The following MCUB variants were observed in gnomAD, a reference collection of about 807,000 sequenced individuals.
MCUB encodes mitochondrial calcium uniporter dominant negative subunit beta.
MCUB carries 46 observed loss-of-function variants against 41.4 expected under a neutral mutation model. That is an observed-to-expected ratio of 1.11 (90% confidence interval 0.88 to 1.42). The LOEUF is 1.42. MCUB is among the 40% of genes most tolerant of loss of function. The pLI, the probability that MCUB is intolerant of heterozygous loss-of-function variation, is 0.00. For missense variants in MCUB, 403 were observed against 404.9 expected (o/e 1.00, Z 0.04); for synonymous variants, 148 against 148.2 (o/e 1.00, Z 0.01).
At chr4:109,622,779 CAT>C (rs771022548) in intron 1 of MCUB, among the ~76,000 whole-genome samples, 29 of 152,130 alleles carry the variant, frequency 1.9e-4, no homozygotes, top group Non-Finnish European at 3.7e-4. Flanking sequence ...AAGCAATGTG[CAT>C]TTGGTCGAAA....
chr4:109,604,397 A>T (rs915534177), intron 1 of MCUB, among the ~76,000 whole-genome samples: 16 of 152,322 alleles, frequency 1.1e-4, no homozygotes, highest in African/African-American at 3.4e-4. Context: ...AAAAATTTAA[A>T]AAAAAAAATA....
intron 2 of MCUB, 116 bp downstream of exon 2, chr4:109,659,202 C>G (rs1163802647): frequency 1.0e-5 from 7 of 666,886 alleles, no homozygotes; most frequent in African/African-American, 1.8e-5. Flanking sequence ...CCCATCCCAC[C>G]CCACCCTGAT....
chr4:109,597,329 C>T (rs1405563342), intron 1 of MCUB, among the ~76,000 whole-genome samples: 5 of 150,390 alleles, frequency 3.3e-5, no homozygotes, highest in African/African-American at 9.8e-5. Flanking sequence ...GTGCCCCTCA[C>T]CTCCCAGACG....
chr4:109,680,535 G>GT (rs1174567295), intron 4 of MCUB, among the ~76,000 whole-genome samples: 3 of 143,296 alleles, frequency 2.1e-5, no homozygotes, highest in African/African-American at 3.0e-5. Flanking sequence ...CCTTTTCTCT[G>GT]TATGTATATG....
chr4:109,644,114 A>G (rs1196725248), intron 1 of MCUB, among the ~76,000 whole-genome samples: 1 of 152,210 alleles, frequency 6.6e-6, no homozygotes, highest in Admixed American at 6.5e-5. Context: ...AAGATAAAAA[A>G]ATTGAGGCTT....
At chr4:109,643,560 A>G (rs1728768403) in intron 1 of MCUB, among the ~76,000 whole-genome samples, 1 of 151,488 alleles carries the variant, frequency 6.6e-6, no homozygotes, top group South Asian at 2.1e-4. Context: ...GCTGGAGTGC[A>G]ATGGCGCAAT....
Position 109,579,034 on chromosome 4 carries a change from G to A in MCUB, c.99+18598G>A, listed in dbSNP as rs1325214037. On this transcript the variant is annotated intron_variant, in intron 1 of 7. Coordinates refer to ENST00000394650, the MANE Select transcript of MCUB (RefSeq NM_017918.5). ...CCAATATTCCTTCACACTTGCTTCC[G>A]CTGCCTTCATTGTCACTGATACACT... Among the ~76,000 whole-genome samples, 3 of 151,978 alleles carry A rather than the reference G, an allele frequency of 2.0e-5. 1 individual carries two copies. Among genetic ancestry groups the A allele is most frequent in the South Asian group, 4.1e-4 (2 of 4,830 alleles).
intron 1 of MCUB, among the ~76,000 whole-genome samples, chr4:109,614,442 C>G (rs536469681): frequency 3.9e-4 from 59 of 151,886 alleles, no homozygotes; most frequent in Admixed American, 7.2e-4. Context: ...CAAGAAGAAA[C>G]AGGGCAGAGT....
At position 109,615,507 on chromosome 4, in the gene MCUB, C is replaced by T. The variant is rs1001305216; in HGVS notation, c.100-43504C>T. 7.3e-5 allele frequency among the ~76,000 whole-genome samples: 11 copies of T among 151,036 alleles called. No homozygotes were observed. The South Asian group carries it at 1.0e-3, about 14-fold the overall frequency. On this transcript the variant is annotated intron_variant, in intron 1 of 7. Transcript: ENST00000394650. ...TGCAACCTCCGTCTGCCGGGTTTTA[C>T]GCCATTCTCCTGCCTCAGTCTCCCA...
chr4:109,660,073 AT>A, intron 2 of MCUB, 121 bp from the exon 3 acceptor site: 1 of 612,388 alleles, frequency 1.6e-6, no homozygotes, highest in Non-Finnish European at 2.9e-6. Flanking sequence ...AGCAATACAA[AT>A]TTTTATAAGA....
intron 1 of MCUB, among the ~76,000 whole-genome samples, chr4:109,638,241 C>T (rs1336872201): frequency 6.6e-6 from 1 of 151,996 alleles, no homozygotes; most frequent in Non-Finnish European, 1.5e-5. Flanking sequence ...CCTGTAGTCC[C>T]AATTACTAGG....
chr4:109,636,072 G>A (rs1728582707), intron 1 of MCUB, among the ~76,000 whole-genome samples: 1 of 152,186 alleles, frequency 6.6e-6, no homozygotes, highest in South Asian at 2.1e-4. Context: ...CATAGACTTA[G>A]TCTCAATCTA....
intron 1 of MCUB, among the ~76,000 whole-genome samples, chr4:109,588,407 C>G (rs17040576): frequency 0.012 from 1,862 of 152,202 alleles, 32 homozygotes; most frequent in African/African-American, 0.042. Flanking sequence ...TGAGAATGAG[C>G]TCGGTATTTG....
At chr4:109,580,316 G>T (rs1360279020) in intron 1 of MCUB, among the ~76,000 whole-genome samples, 1 of 152,100 alleles carries the variant, frequency 6.6e-6, no homozygotes, top group African/African-American at 2.4e-5. Flanking sequence ...TCTTTGCTAT[G>T]GTGAATAGTG....
At chr4:109,568,755 T>G (rs1381371054) in intron 1 of MCUB, among the ~76,000 whole-genome samples, 1 of 152,226 alleles carries the variant, frequency 6.6e-6, no homozygotes, top group East Asian at 1.9e-4. Flanking sequence ...ACCTGGATTC[T>G]CAGCAATCTG....
intron 1 of MCUB, among the ~76,000 whole-genome samples, chr4:109,631,453 A>G (rs1395023849): frequency 2.6e-5 from 4 of 152,244 alleles, no homozygotes; most frequent in Non-Finnish European, 5.9e-5. Flanking sequence ...TAAATAATAG[A>G]AATTGAGTGC....
At chr4:109,603,343 T>G (rs1184504342) in intron 1 of MCUB, among the ~76,000 whole-genome samples, 2 of 152,238 alleles carry the variant, frequency 1.3e-5, no homozygotes, top group Admixed American at 6.5e-5. Flanking sequence ...GTGATCTGCC[T>G]GCCTCGGCCT....
chr4:109,650,787 A>G (rs1294788016), intron 1 of MCUB, among the ~76,000 whole-genome samples: 2 of 152,174 alleles, frequency 1.3e-5, no homozygotes, highest in Non-Finnish European at 2.9e-5. Context: ...TCACAGTTTA[A>G]TTTAGTTGTC....
intron 4 of MCUB, among the ~76,000 whole-genome samples, chr4:109,678,283 G>A (rs968739112): frequency 2.0e-5 from 3 of 151,552 alleles, no homozygotes; most frequent in Non-Finnish European, 2.9e-5. Context: ...TTTTCTATTC[G>A]ACAAAACCGC....
Sources: allele counts gnomAD v4.1 joint callset (sites outside exome capture counted in the v4.1 genomes callset), GRCh38; gene constraint gnomAD v4.1.1; transcripts MANE v1.5; gene names NCBI Gene and HGNC (gene_info 2026-07-23, HGNC 2026-07-21).